DNAH2: variants seen among roughly 807,000 people sequenced by gnomAD.
DNAH2 encodes the protein dynein axonemal heavy chain 2, also known as axonemal beta dynein heavy chain 2.
Under a neutral mutation model 523.5 loss-of-function variants are expected in DNAH2, and 323 were observed. That is an observed-to-expected ratio of 0.62 (90% CI 0.56 to 0.68). The LOEUF (loss-of-function observed/expected upper bound fraction) is 0.68. DNAH2 is among the 30% of genes least tolerant of loss of function. The probability of loss-of-function intolerance (pLI) is 0.00; values close to 1 mark genes in which losing one functional copy is unlikely to be tolerated. For missense variants in DNAH2, 4,907 were observed against 5,701.5 expected (o/e 0.86, Z 4.49); for synonymous variants, 2,093 against 2,177.4 (o/e 0.96, Z 1.08).
intron 28 of DNAH2, among the ~76,000 whole-genome samples, chr17:7,773,041 T>G (rs56095308): frequency 0.26 from 39,295 of 152,108 alleles, 5,984 homozygotes; most frequent in Non-Finnish European, 0.35. Context: ...CCCAAAGTGC[T>G]GGGATTATAG....
chr17:7,757,321 T>C, intron 13 of DNAH2, 84 bp downstream of exon 13: 1 of 1,495,660 alleles, frequency 6.7e-7, no homozygotes, highest in Non-Finnish European at 9.0e-7. Context: ...ATGTTGTTCA[T>C]TTTCTACAAT....
At chr17:7,773,760 C>T (rs986771673) in intron 28 of DNAH2, among the ~76,000 whole-genome samples, 9 of 152,006 alleles carry the variant, frequency 5.9e-5, no homozygotes, top group Admixed American at 3.3e-4. Flanking sequence ...GACGGAGTCT[C>T]GCTCTGTCGC....
chr17:7,756,923 G>T (rs369352826), intron 12 of DNAH2, among the ~76,000 whole-genome samples, 168 bp from the exon 13 acceptor site: 1 of 152,134 alleles, frequency 6.6e-6, no homozygotes, highest in Admixed American at 6.6e-5. Context: ...CGCCTGCCTC[G>T]GCCCCACAAA....
chr17:7,786,043 C>T lies in DNAH2; in HGVS notation c.6130-81C>T. 3 of 1,455,430 alleles carry T rather than the reference C, an allele frequency of 2.1e-6. No homozygotes were observed. The South Asian group carries it at 3.7e-5, about 18-fold the overall frequency. The allele number at this position is 1,455,430 out of a possible 1,614,324, so 90.2% of individuals were successfully genotyped here. On this transcript the variant is annotated intron_variant, in intron 39 of 85. Transcript: ENST00000572933. The surrounding 1 kb of genome is among the most constrained non-coding windows in gnomAD (Gnocchi z 7.5). Reference sequence around the variant, plus strand: ...ATTTTTAACAGTTTGAACGTATTCTCTCTGGCACCGGGGAGATTTTGAAAG... The same window carrying T: ...ATTTTTAACAGTTTGAACGTATTCTTTCTGGCACCGGGGAGATTTTGAAAG...
rs2075251633 is a variant in DNAH2, at chr17:7,739,747, G to A, written c.1185G>A (p.Gln395=). The A allele has an allele frequency of 1.2e-6, 2 of 1,612,980 alleles. No homozygotes were observed. The highest frequency in any genetic ancestry group is 1.7e-6 in the Non-Finnish European group (2 of 1,179,996). ...TTCTTTTTTAGGTATGTGACTGTCA[G>A]TATCACTTCGCCCGCTGGGAAGATG... The part of the protein sequence containing the change: ...TSLFRKVCDC[Q]YHFARWEDGK... The change falls in exon 9 of 86, where the codon CAG becomes CAA. Residue 395 remains glutamine, a synonymous_variant. Transcript: ENST00000572933.
intron 8 of DNAH2, among the ~76,000 whole-genome samples, chr17:7,738,621 G>A (rs1034962311): frequency 7.2e-5 from 11 of 152,232 alleles, no homozygotes; most frequent in South Asian, 2.1e-4. Context: ...GAGCCACCAC[G>A]CCCTGCCTGG....
rs770733269 is a variant in DNAH2, at chr17:7,760,949, G to A, written c.2978+17G>A. Reference sequence around the variant, plus strand: ...CATTGCCCGGTGAGTGGTGAGGGTGGATTGAAAGTCTGTCTGTAGGAGGCA... The same window carrying A: ...CATTGCCCGGTGAGTGGTGAGGGTGAATTGAAAGTCTGTCTGTAGGAGGCA... On this transcript the variant is annotated intron_variant, in intron 18 of 85. Transcript: ENST00000572933. This position sits in a 1 kb window ranked among gnomAD's most constrained non-coding sequence, Gnocchi z 4.0. The A allele has an allele frequency of 1.9e-6, 3 of 1,603,376 alleles. No individual in the cohort carries two copies. Among genetic ancestry groups the A allele is most frequent in the Admixed American group, 3.3e-5 (2 of 59,948 alleles).
Position 7,770,413 on chromosome 17 carries a change from G to C in DNAH2, c.4098+5G>C. ...AAAGAGCTGGCTATAGAAGTGGTAC[G>C]ACAGTCCCCTCCCATGCTCCCACAC... On this transcript the variant is annotated splice_donor_5th_base_variant and intron_variant, in intron 25 of 85. Transcript: ENST00000572933. 6.2e-7 allele frequency: 1 copy of C among 1,611,792 alleles called. No homozygotes were observed. Among genetic ancestry groups the C allele is most frequent in the East Asian group, 2.2e-5 (1 of 44,884 alleles).
rs2075292321 is a variant in DNAH2, at chr17:7,740,836, G to A, written c.1533G>A (p.Lys511=). ...REAIKRTYDK[K]AVDLYMLFNS... ...CTATCAAGCGGACTTATGACAAGAAGGCGGTGGATCTCTACATGCTGTTCA... is the reference window on the plus strand; with the variant it reads ...CTATCAAGCGGACTTATGACAAGAAAGCGGTGGATCTCTACATGCTGTTCA... Residue 511 remains lysine (K), a synonymous_variant, in exon 11 of 86, where the codon AAG becomes AAA. Coordinates refer to ENST00000572933, the MANE Select transcript of DNAH2 (RefSeq NM_020877.5). 6.2e-7 allele frequency: 1 copy of A among 1,610,564 alleles called. No individual in the cohort carries two copies. Among genetic ancestry groups the A allele is most frequent in the African/African-American group, 1.3e-5 (1 of 74,880 alleles).
chr17:7,736,879 G>A (rs1288415887), intron 7 of DNAH2, among the ~76,000 whole-genome samples, 188 bp from the exon 8 acceptor site: 3 of 152,176 alleles, frequency 2.0e-5, no homozygotes, highest in Non-Finnish European at 2.9e-5. Flanking sequence ...CTACTTGGGA[G>A]GCTGAGGCAG....
intron 28 of DNAH2, among the ~76,000 whole-genome samples, chr17:7,773,736 C>A (rs1359543276): frequency 6.8e-6 from 1 of 147,634 alleles, no homozygotes; most frequent in African/African-American, 2.5e-5. Context: ...TGTTTTTCTT[C>A]TTTTTTTTTT....
intron 63 of DNAH2, among the ~76,000 whole-genome samples, chr17:7,813,525 T>C (rs2077577406): frequency 6.6e-6 from 1 of 152,144 alleles, no homozygotes; most frequent in African/African-American, 2.4e-5. Flanking sequence ...CTAAAAAGAA[T>C]GAGGCAGCTC....
chr17:7,733,776 C>CAAGA (rs2075061643), intron 5 of DNAH2, among the ~76,000 whole-genome samples: 1 of 152,030 alleles, frequency 6.6e-6, no homozygotes, highest in South Asian at 2.1e-4. Context: ...CACACCCTGC[C>CAAGA]AAGATCCGCT....
At position 7,776,047 on chromosome 17, in the gene DNAH2, G is replaced by T; in HGVS notation, c.4845G>T (p.Gln1615His). The change falls in exon 31 of 86, where the codon CAG becomes CAT. Residue 1615 changes from glutamine to histidine, a missense_variant. Gln to His is a conservative substitution (Grantham distance 24, BLOSUM62 0). Around this residue, in one of 3 missense-constraint regions of DNAH2, gnomAD observed 2,806 missense variants for 3,190.8 expected, o/e 0.88. Transcript: ENST00000572933. ...PVESWLGDVE[Q>H]TMRVTLRDLL... is the part of the protein sequence containing the mutation. ...AGTCCTGGCTTGGCGATGTGGAACA[G>T]ACCATGAGGGTGACCCTGCGGGACC... 1 of 1,614,080 alleles carries T rather than the reference G, an allele frequency of 6.2e-7. No homozygotes were observed. Among genetic ancestry groups the T allele is most frequent in the South Asian group, 1.1e-5 (1 of 91,088 alleles).
At chr17:7,818,898 T>C (rs1290564349) in intron 70 of DNAH2, 21 bp from the exon 71 acceptor site, 6 of 1,609,392 alleles carry the variant, frequency 3.7e-6, no homozygotes, top group Non-Finnish European at 5.1e-6. Context: ...TTGCTCCATG[T>C]GCCTCTGGGC....
At chr17:7,793,256 G>A (rs1406093578) in intron 48 of DNAH2, 51 bp downstream of exon 48, 6 of 1,574,658 alleles carry the variant, frequency 3.8e-6, no homozygotes, top group Non-Finnish European at 5.2e-6. Context: ...TCTGGGATAG[G>A]CTCAGTCCCC....
At position 7,801,662 on chromosome 17, in the gene DNAH2, G is replaced by A. The variant is rs778228840; in HGVS notation, c.8784G>A (p.Glu2928=). 3.1e-6 allele frequency: 5 copies of A among 1,614,132 alleles called. No individual in the cohort carries two copies. In the South Asian group the frequency reaches 5.5e-5, roughly 18 times the overall value. Residue 2928 remains glutamate, a synonymous_variant, in exon 57 of 86, where the codon GAG becomes GAA. Coordinates refer to ENST00000572933, the MANE Select transcript of DNAH2 (RefSeq NM_020877.5). Reference sequence around the variant, plus strand: ...AGTGGCCCCAAGAGGCCCTGCTCGAGGTGGCTGAGAAGTGCCTCATAGGAG... The same window carrying A: ...AGTGGCCCCAAGAGGCCCTGCTCGAAGTGGCTGAGAAGTGCCTCATAGGAG... ...FSEWPQEALL[E]VAEKCLIGVD...
In DNAH2 at chr17:7,780,235, C is replaced by T. The variant is rs1357990420; in HGVS notation, c.5801C>T (p.Thr1934Ile). Residue 1934 changes from threonine (T) to isoleucine (I), a missense_variant, in exon 37 of 86, where the codon ACC (threonine) becomes ATC (isoleucine). This residue lies in a region of DNAH2 where 2,806 missense variants were observed against 3,190.8 expected (regional missense o/e 0.88). Transcript: ENST00000572933. This position sits in a 1 kb window ranked among gnomAD's most constrained non-coding sequence, Gnocchi z 4.4. ...ATTGCCATGGTGGTGCCTGACTCCA[C>T]CCTCATTGCAGAAATCATTCTCTTT... ...RPIAMVVPDS[T>I]LIAEIILFGE... is the part of the protein sequence containing the mutation. 2 of 1,614,202 alleles carry T rather than the reference C, an allele frequency of 1.2e-6. No homozygotes were observed.
intron 36 of DNAH2, 22 bp downstream of exon 36, chr17:7,779,445 G>A (rs991266494): frequency 3.1e-6 from 5 of 1,608,106 alleles, no homozygotes; most frequent in Non-Finnish European, 4.3e-6. Flanking sequence ...GGAGTGGATG[G>A]GACTCCTGGG....
Sources: gnomAD v4.1 joint callset for allele counts (sites outside exome capture counted in the v4.1 genomes callset) on GRCh38, gnomAD v4.1.1 for gene constraint, gnomAD v4.1.1 regional missense constraint, Gnocchi (gnomAD v3.1) non-coding constraint, MANE v1.5 for transcripts, NCBI Gene and HGNC (gene_info 2026-07-23, HGNC 2026-07-21) for gene names.